Variants in TIMM50 observed in about 807,000 individuals in gnomAD.
The protein encoded by TIMM50 is mitochondrial import inner membrane translocase subunit TIM50.
In TIMM50, 34 loss-of-function variants were observed where a neutral mutation model predicts 49.6. That is an observed-to-expected ratio of 0.69 (90% confidence interval 0.52 to 0.91). The LOEUF (loss-of-function observed/expected upper bound fraction) is 0.91, where lower values mean the gene tolerates loss of function less well. Ranked by LOEUF, TIMM50 falls within the 40% of genes least tolerant of loss-of-function variation. The pLI, the probability that TIMM50 is intolerant of heterozygous loss-of-function variation, is 0.00. For synonymous variants in TIMM50, 199 were observed against 198.4 expected (o/e 1.00, Z -0.03); for missense variants, 458 against 477.8 (o/e 0.96, Z 0.39).
chr19:39,488,696 G>C, intron 10 of TIMM50, 51 bp downstream of exon 10: 1 of 1,452,984 alleles, frequency 6.9e-7, no homozygotes, highest in Non-Finnish European at 9.7e-7. Context: ...GCTCCTGAAG[G>C]AGGAGCCTGG....
Position 39,487,884 on chromosome 19 carries a change from G to A in TIMM50, c.697-177G>A, listed in dbSNP as rs565292835. On this transcript the variant is annotated intron_variant, in intron 8 of 10. Coordinates refer to ENST00000607714, the MANE Select transcript of TIMM50 (RefSeq NM_001001563.5). ...TGGGATTACAGGCGTGAGCCACCAT[G>A]CCTGGCCCTCTGTGGGGGTCGATGC... 22 of 889,606 alleles carry A rather than the reference G, an allele frequency of 2.5e-5. No homozygotes were observed. In the African/African-American group the frequency reaches 2.5e-4, roughly 10 times the overall value. The allele number at this position is 889,606 out of a possible 1,614,324, so 55.1% of individuals were successfully genotyped here.
At chr19:39,487,716 C>A (rs1023404170) in intron 8 of TIMM50, among the ~76,000 whole-genome samples, 3 of 152,182 alleles carry the variant, frequency 2.0e-5, no homozygotes, top group Non-Finnish European at 2.9e-5. Flanking sequence ...ACCTTGGCCT[C>A]CCAAAATTCT....
chr19:39,489,256 C>T (rs749329327), intron 10 of TIMM50, among the ~76,000 whole-genome samples: 4 of 151,902 alleles, frequency 2.6e-5, no homozygotes, highest in Non-Finnish European at 5.9e-5. Context: ...GGCCCAGGGG[C>T]AGGATGATGC....
At chr19:39,485,969 C>CTACAGAGTGGGTGTT in intron 6 of TIMM50, 162 bp downstream of exon 6, 1 of 1,222,122 alleles carries the variant, frequency 8.2e-7, no homozygotes, top group Non-Finnish European at 1.2e-6. Context: ...TGCTAACACC[C>CTACAGAGTGGGTGTT]ACTCTGTAGG....
intron 9 of TIMM50, 47 bp from the exon 10 acceptor site, chr19:39,488,492 C>A: frequency 6.4e-7 from 1 of 1,565,094 alleles, no homozygotes; most frequent in South Asian, 1.1e-5. Context: ...CCCTGCCTCC[C>A]TCTGGCCTTT....
Position 39,480,887 on chromosome 19 carries a change from C to T in TIMM50, c.34C>T (p.Arg12Ter), listed in dbSNP as rs780447973. The T allele has an allele frequency of 1.9e-6, 3 of 1,598,846 alleles. No homozygotes were observed. Among genetic ancestry groups the T allele is most frequent in the Non-Finnish European group, 2.6e-6 (3 of 1,176,426 alleles). ...AASAAVFSRL[R>*]SGLRLGSRGL... ...CTCGGCAGCGGTGTTCTCGCGCTTG[C>T]GAAGCGGGCTCCGGCTCGGCTCGCG... The change falls in exon 1 of 11, where the codon CGA becomes TGA. Residue 12 changes from arginine to a stop codon, truncating the protein, a stop_gained. Coordinates refer to ENST00000607714, the MANE Select transcript of TIMM50 (RefSeq NM_001001563.5). LOFTEE classifies it high-confidence loss of function.
In TIMM50 at chr19:39,488,127, C is replaced by G; in HGVS notation, c.763C>G (p.Arg255Gly). The change falls in exon 9 of 11, where the codon CGC becomes GGC. Residue 255 changes from arginine to glycine, a missense_variant. Physicochemically the swap from Arg to Gly is moderately radical, Grantham distance 125. Transcript: ENST00000607714. ...VVVDCKKEAF[R>G]LQPYNGVALR... ...TGTGGACTGCAAGAAGGAAGCCTTC[C>G]GCCTGCAGCCCTATAACGGCGTTGC... is the stretch of plus-strand genomic sequence containing the variant. The G allele has an allele frequency of 6.2e-7, 1 of 1,614,036 alleles. No homozygotes were observed. The highest frequency in any genetic ancestry group is 1.7e-5 in the Admixed American group (1 of 60,010).
Position 39,486,457 on chromosome 19 carries a change from C to T in TIMM50, c.658C>T (p.Arg220Trp), listed in dbSNP as rs766277051. ...TGGCTTCATCTCCTACCGCCTATTCCGGGACGCCACAAGATACATGGATGG... is the reference window on the plus strand; with the variant it reads ...TGGCTTCATCTCCTACCGCCTATTCTGGGACGCCACAAGATACATGGATGG... The part of the protein sequence containing the change: ...PHGFISYRLF[R>W]DATRYMDGHH... The change falls in exon 8 of 11, where the codon CGG (arginine) becomes TGG (tryptophan). Residue 220 changes from arginine (R) to tryptophan (W), a missense_variant. By Grantham distance (101) the Arg-to-Trp change is moderately radical. Coordinates refer to ENST00000607714, the MANE Select transcript of TIMM50 (RefSeq NM_001001563.5). The T allele has an allele frequency of 9.9e-6, 16 of 1,614,050 alleles. No individual in the cohort carries two copies. Among genetic ancestry groups the T allele is most frequent in the Middle Eastern group, 1.6e-4 (1 of 6,084 alleles).
rs1465943802 is a variant in TIMM50 at position 39,480,874 on chromosome 19, G to A, written c.21G>A (p.Val7=). The A allele has an allele frequency of 1.9e-6, 3 of 1,600,150 alleles. No individual in the cohort carries two copies. Among genetic ancestry groups the A allele is most frequent in the Non-Finnish European group, 2.6e-6 (3 of 1,175,992 alleles). The change falls in exon 1 of 11, where the codon GTG becomes GTA. Residue 7 remains valine, a synonymous_variant. Transcript: ENST00000607714. Reference sequence around the variant, plus strand: ...GCAAGATGGCGGCCTCGGCAGCGGTGTTCTCGCGCTTGCGAAGCGGGCTCC... The same window carrying A: ...GCAAGATGGCGGCCTCGGCAGCGGTATTCTCGCGCTTGCGAAGCGGGCTCC... MAASAA[V]FSRLRSGLRL...
chr19:39,488,736 C>T, intron 10 of TIMM50, 91 bp downstream of exon 10: 1 of 998,568 alleles, frequency 1.0e-6, no homozygotes, highest in South Asian at 1.4e-5. Context: ...CTTGGTTTGG[C>T]TGTGTGACCC....
chr19:39,492,863 T>A lies in TIMM50; in HGVS notation c.*3043T>A, dbSNP rs2079554538. ...TCCAGCCTGGGCGACAGAGTAAGGC[T>A]CTGTCTCCAAAAAAAAAAAAAAAAA... On this transcript the variant is annotated 3_prime_UTR_variant, in exon 11 of 11. Transcript: ENST00000607714. The A allele has an allele frequency of 1.5e-5, 1 of 67,736 alleles. No homozygotes were observed. The highest frequency in any genetic ancestry group is 2.6e-5 in the Non-Finnish European group (1 of 38,022). 4.2% of individuals were successfully genotyped at this position (67,736 alleles called of 1,614,324 possible).
chr19:39,487,719 A>G (rs1258301277), intron 8 of TIMM50, among the ~76,000 whole-genome samples: 4 of 152,148 alleles, frequency 2.6e-5, no homozygotes, highest in Non-Finnish European at 5.9e-5. Context: ...TTGGCCTCCC[A>G]AAATTCTGGG....
intron 6 of TIMM50, 36 bp downstream of exon 6, chr19:39,485,843 C>T (rs373484348): frequency 1.9e-6 from 3 of 1,612,384 alleles, no homozygotes; most frequent in Non-Finnish European, 1.7e-6. Flanking sequence ...TGGGGATAGA[C>T]CTGGGCAGTG....
At chr19:39,482,193 A>T (rs2079477151) in intron 2 of TIMM50, among the ~76,000 whole-genome samples, 160 bp downstream of exon 2, 1 of 152,132 alleles carries the variant, frequency 6.6e-6, no homozygotes, top group South Asian at 2.1e-4. Flanking sequence ...AAACCAGGGA[A>T]GTCTTCTTTC....
rs939035175 is a variant in TIMM50, at chr19:39,493,177, C to T, written c.*3357C>T. The stretch of plus-strand genomic sequence containing the variant: ...GTCCTGGGGTGCACTGTCTGTAAGC[C>T]GGTGGAGTTATTTCCCAAAATCCTT... On this transcript the variant is annotated 3_prime_UTR_variant, in exon 11 of 11. Coordinates refer to ENST00000607714, the MANE Select transcript of TIMM50 (RefSeq NM_001001563.5). 1 of 151,878 alleles carries T rather than the reference C, an allele frequency of 6.6e-6. No homozygotes were observed. Among genetic ancestry groups the T allele is most frequent in the African/African-American group, 2.4e-5 (1 of 41,330 alleles). 9.4% of individuals were successfully genotyped at this position (151,878 alleles called of 1,614,324 possible).
intron 8 of TIMM50, 87 bp downstream of exon 8, chr19:39,486,582 C>T: frequency 8.1e-7 from 1 of 1,229,760 alleles, no homozygotes; most frequent in Non-Finnish European, 1.2e-6. Context: ...ACCCTAGCCT[C>T]ACCTGGCTTA....
At position 39,482,881 on chromosome 19, in the gene TIMM50, G is replaced by T. The variant is rs1303350875; in HGVS notation, c.260-4G>T. The T allele has an allele frequency of 6.2e-7, 1 of 1,613,948 alleles. No homozygotes were observed. The highest frequency in any genetic ancestry group is 8.5e-7 in the Non-Finnish European group (1 of 1,180,004). On this transcript the variant is annotated splice_polypyrimidine_tract_variant and splice_region_variant and intron_variant, in intron 2 of 10. Coordinates refer to ENST00000607714, the MANE Select transcript of TIMM50 (RefSeq NM_001001563.5). ...CCTCATATTCATCCTGGTCTCCCTT[G>T]CAGGAAACAACCCGGTGGACGAAAA...
Position 39,489,757 on chromosome 19 carries a change from C to T in TIMM50, c.999C>T (p.Asn333=). Reference sequence around the variant, plus strand: ...GCCTGGCCGAGCTCTCCAAGTCCAACAAGCAGAACCTCTTCCTTGGCTCCC... The same window carrying T: ...GCCTGGCCGAGCTCTCCAAGTCCAATAAGCAGAACCTCTTCCTTGGCTCCC... ...QQRLAELSKS[N]KQNLFLGSLT... is the part of the protein sequence containing the mutation. Residue 333 remains asparagine (N), a synonymous_variant, in exon 11 of 11, where the codon AAC becomes AAT. Coordinates refer to ENST00000607714, the MANE Select transcript of TIMM50 (RefSeq NM_001001563.5). 1 of 1,612,532 alleles carries T rather than the reference C, an allele frequency of 6.2e-7. No homozygotes were observed. Among genetic ancestry groups the T allele is most frequent in the Non-Finnish European group, 8.5e-7 (1 of 1,179,460 alleles).
At chr19:39,489,689 C>A (rs1261242322) in intron 10 of TIMM50, 30 bp from the exon 11 acceptor site, 1 of 1,573,844 alleles carries the variant, frequency 6.4e-7, no homozygotes, top group Non-Finnish European at 8.6e-7. Context: ...CTTGCGCTGA[C>A]CCTCTCCTCC....
Sources: allele counts gnomAD v4.1 joint callset (sites outside exome capture counted in the v4.1 genomes callset), GRCh38; gene constraint gnomAD v4.1.1; transcripts MANE v1.5; gene names NCBI Gene and HGNC (gene_info 2026-07-23, HGNC 2026-07-21).